Variants in STXBP5L observed in about 807,000 individuals in gnomAD.
STXBP5L encodes the protein syntaxin binding protein 5L.
STXBP5L carries 65 observed loss-of-function variants against 144.5 expected under a neutral mutation model. That is an observed-to-expected ratio of 0.45 (90% CI 0.37 to 0.55). The LOEUF is 0.55. STXBP5L is among the 20% of genes least tolerant of loss of function. The pLI is 0.00. For missense variants in STXBP5L, 1,298 were observed against 1,405.5 expected, an observed-to-expected ratio of 0.92 and a Z score of 1.22; for synonymous variants, 505 against 469.6, an observed-to-expected ratio of 1.08 and a Z score of -0.97.
intron 20 of STXBP5L, among the ~76,000 whole-genome samples, chr3:121,344,172 G>A (rs975787768): frequency 2.0e-5 from 3 of 152,056 alleles, no homozygotes; most frequent in Non-Finnish European, 1.5e-5. Flanking sequence ...TTAATAAATG[G>A]TGCTGGGAAA....
At chr3:121,329,765 CAGG>C (rs2044263220) in intron 20 of STXBP5L, among the ~76,000 whole-genome samples, 1 of 152,086 alleles carries the variant, frequency 6.6e-6, no homozygotes, top group Admixed American at 6.5e-5. Flanking sequence ...GAGGCTGAGG[CAGG>C]AGAATTGCTT....
chr3:121,071,973 C>T (rs2041829606), intron 5 of STXBP5L, among the ~76,000 whole-genome samples: 1 of 152,220 alleles, frequency 6.6e-6, no homozygotes, highest in Admixed American at 6.5e-5. Flanking sequence ...AAAACTTTAA[C>T]AGCTGTTTGA....
chr3:121,037,146 T>A (rs573728964), intron 3 of STXBP5L, among the ~76,000 whole-genome samples: 4 of 152,064 alleles, frequency 2.6e-5, no homozygotes, highest in African/African-American at 7.2e-5. Flanking sequence ...TTGGCCAGGC[T>A]TGTCTTGAAC....
intron 9 of STXBP5L, among the ~76,000 whole-genome samples, chr3:121,162,379 T>A (rs2046354936): frequency 6.6e-6 from 1 of 152,104 alleles, no homozygotes; most frequent in Non-Finnish European, 1.5e-5. Flanking sequence ...TGCAGAAAAC[T>A]GAACTGGACT....
intron 20 of STXBP5L, among the ~76,000 whole-genome samples, chr3:121,365,920 G>A (rs1222440109): frequency 6.6e-6 from 1 of 150,880 alleles, no homozygotes; most frequent in Non-Finnish European, 1.5e-5. Flanking sequence ...TTCCCTCTTT[G>A]CACTGCTTTC....
At chr3:121,386,154 G>A (rs1464461487) in intron 22 of STXBP5L, among the ~76,000 whole-genome samples, 1 of 152,100 alleles carries the variant, frequency 6.6e-6, no homozygotes, top group African/African-American at 2.4e-5. Context: ...ATATTTGACT[G>A]AACAAGAATA....
At chr3:121,090,404 C>T (rs370886508) in intron 5 of STXBP5L, among the ~76,000 whole-genome samples, 37 of 152,098 alleles carry the variant, frequency 2.4e-4, no homozygotes, top group African/African-American at 8.9e-4. Context: ...AAGAGTACCT[C>T]CTTACTGCTC....
intron 5 of STXBP5L, among the ~76,000 whole-genome samples, chr3:121,066,870 G>A (rs1423847652): frequency 1.3e-5 from 2 of 152,062 alleles, no homozygotes; most frequent in Non-Finnish European, 2.9e-5. Context: ...AATTTTAAAT[G>A]ACATATTATA....
intron 5 of STXBP5L, among the ~76,000 whole-genome samples, chr3:121,092,466 C>T (rs957505044): frequency 6.6e-6 from 1 of 152,146 alleles, no homozygotes; most frequent in African/African-American, 2.4e-5. Flanking sequence ...GTTTGTAGTT[C>T]TCCTTGAAGA....
chr3:121,400,728 C>T (rs756958917), intron 22 of STXBP5L, among the ~76,000 whole-genome samples: 2 of 152,196 alleles, frequency 1.3e-5, no homozygotes, highest in South Asian at 2.1e-4. Context: ...CTGGTCTGGA[C>T]TTGAATGACC....
At chr3:121,090,856 A>C (rs974694976) in intron 5 of STXBP5L, among the ~76,000 whole-genome samples, 3 of 151,794 alleles carry the variant, frequency 2.0e-5, no homozygotes, top group Admixed American at 1.3e-4. Flanking sequence ...TATACATGTG[A>C]CATGCTGGTG....
chr3:121,391,239 G>A (rs2046576103), intron 22 of STXBP5L, among the ~76,000 whole-genome samples: 1 of 152,018 alleles, frequency 6.6e-6, no homozygotes, highest in Non-Finnish European at 1.5e-5. Context: ...GCTCCATCAG[G>A]TCATTTAAGG....
At chr3:121,347,453 T>C (rs1166522145) in intron 20 of STXBP5L, among the ~76,000 whole-genome samples, 1 of 152,178 alleles carries the variant, frequency 6.6e-6, no homozygotes, top group Non-Finnish European at 1.5e-5. Context: ...CTTTTTTCAT[T>C]CCATATGAAC....
At chr3:121,329,815 G>A (rs1421245687) in intron 20 of STXBP5L, among the ~76,000 whole-genome samples, 17 of 152,066 alleles carry the variant, frequency 1.1e-4, no homozygotes, top group Admixed American at 1.0e-3. Flanking sequence ...AGCCGATATT[G>A]CACCACTGCA....
intron 3 of STXBP5L, among the ~76,000 whole-genome samples, chr3:120,963,222 CAG>C (rs2107749488): frequency 1.3e-5 from 2 of 152,282 alleles, no homozygotes; most frequent in South Asian, 4.1e-4. Context: ...CATCTGCAAA[CAG>C]GGACAATTTG....
intron 18 of STXBP5L, among the ~76,000 whole-genome samples, chr3:121,269,656 G>C (rs2050679379): frequency 6.6e-6 from 1 of 152,090 alleles, no homozygotes; most frequent in African/African-American, 2.4e-5. Flanking sequence ...TAGGTCTGCT[G>C]GTGAACTGCC....
chr3:121,358,573 C>G (rs934513302), intron 20 of STXBP5L, among the ~76,000 whole-genome samples: 3 of 152,160 alleles, frequency 2.0e-5, no homozygotes, highest in African/African-American at 7.2e-5. Flanking sequence ...CCATTAGAAA[C>G]CACCACCATG....
At chr3:121,211,225 C>T (rs1559869500) in intron 10 of STXBP5L, among the ~76,000 whole-genome samples, 4 of 152,076 alleles carry the variant, frequency 2.6e-5, no homozygotes, top group Admixed American at 6.6e-5. Context: ...CGATTTGGCT[C>T]TCTGTCTGTT....
chr3:120,936,351 C>A (rs1396657658), intron 2 of STXBP5L, among the ~76,000 whole-genome samples: 1 of 151,944 alleles, frequency 6.6e-6, no homozygotes, highest in Non-Finnish European at 1.5e-5. Context: ...GCTGTCTCTA[C>A]AAACTGTGTC....
Sources: allele counts gnomAD v4.1 joint callset (sites outside exome capture counted in the v4.1 genomes callset), GRCh38; gene constraint gnomAD v4.1.1; transcripts MANE v1.5; gene names NCBI Gene and HGNC (gene_info 2026-07-23, HGNC 2026-07-21).